The following ATP2B2 variants were observed in gnomAD, a reference collection of about 807,000 sequenced individuals.
The protein encoded by ATP2B2 is ATPase plasma membrane Ca2+ transporting 2.
In ATP2B2, 15 loss-of-function variants were observed where a neutral mutation model predicts 120.0. That is an observed-to-expected ratio of 0.12 (90% CI 0.08 to 0.19). The LOEUF (loss-of-function observed/expected upper bound fraction) is 0.19, where lower values mean the gene tolerates loss of function less well. ATP2B2 is among the 10% of genes least tolerant of loss of function. ATP2B2 has a pLI of 1.00. For missense variants in ATP2B2, 1,045 were observed against 1,719.8 expected (o/e 0.61, Z 6.94); for synonymous variants, 694 against 700.3 (o/e 0.99, Z 0.14).
chr3:10,680,076 T>C (rs576235929), intron 1 of ATP2B2, among the ~76,000 whole-genome samples: 6 of 152,300 alleles, frequency 3.9e-5, no homozygotes, highest in African/African-American at 1.4e-4. Context: ...TAAACATTTG[T>C]TGAATGAATG....
At chr3:10,642,828 C>T (rs2070211276) in intron 1 of ATP2B2, among the ~76,000 whole-genome samples, 1 of 152,100 alleles carries the variant, frequency 6.6e-6, no homozygotes, top group Non-Finnish European at 1.5e-5. Flanking sequence ...TAGCTCTGGC[C>T]CCCCAGCCCT....
chr3:10,493,967 G>T (rs2066036402), intron 1 of ATP2B2, among the ~76,000 whole-genome samples: 1 of 152,190 alleles, frequency 6.6e-6, no homozygotes, highest in Admixed American at 6.5e-5. Flanking sequence ...TAACTGACCT[G>T]ACAAAGGAAA....
intron 2 of ATP2B2, among the ~76,000 whole-genome samples, chr3:10,584,122 T>G (rs1403102572): frequency 1.3e-5 from 2 of 151,748 alleles, no homozygotes; most frequent in Admixed American, 1.3e-4. Context: ...GCTTTCCGCT[T>G]GGACTTGAGG....
intron 1 of ATP2B2, among the ~76,000 whole-genome samples, chr3:10,450,686 C>A (rs1465983250): frequency 1.3e-5 from 2 of 152,018 alleles, no homozygotes; most frequent in African/African-American, 4.8e-5. Flanking sequence ...GGAGGGGGGT[C>A]CCTATGGACC....
chr3:10,632,032 G>C (rs2069878480), intron 1 of ATP2B2, among the ~76,000 whole-genome samples: 1 of 152,210 alleles, frequency 6.6e-6, no homozygotes, highest in South Asian at 2.1e-4. Context: ...TCTAGGCTTG[G>C]CTTGACTGCT....
intron 2 of ATP2B2, among the ~76,000 whole-genome samples, chr3:10,534,534 A>G (rs552479762): frequency 9.5e-4 from 145 of 152,354 alleles, no homozygotes; most frequent in African/African-American, 3.0e-3. Context: ...TACATAAATT[A>G]TCTTTGCTGG....
intron 2 of ATP2B2, among the ~76,000 whole-genome samples, chr3:10,606,220 A>G (rs1285908121): frequency 1.3e-5 from 2 of 152,198 alleles, no homozygotes; most frequent in African/African-American, 4.8e-5. Context: ...TGTGATCTGC[A>G]TGAGACCCCC....
intron 1 of ATP2B2, among the ~76,000 whole-genome samples, chr3:10,495,550 G>C (rs191803526): frequency 1.3e-5 from 2 of 152,312 alleles, no homozygotes; most frequent in East Asian, 3.9e-4. Flanking sequence ...TTACCCGGGG[G>C]CTGTAGTGAA....
At chr3:10,495,672 G>A (rs149247468) in intron 1 of ATP2B2, among the ~76,000 whole-genome samples, 107 of 152,302 alleles carry the variant, frequency 7.0e-4, no homozygotes, top group Non-Finnish European at 9.4e-4. Flanking sequence ...GCAGAGAAGT[G>A]CCTAGAAACA....
intron 2 of ATP2B2, among the ~76,000 whole-genome samples, chr3:10,568,589 T>C (rs2125540892): frequency 6.6e-6 from 1 of 152,282 alleles, no homozygotes; most frequent in East Asian, 1.9e-4. Context: ...TACCAGCTAT[T>C]TATGGTTTTC....
chr3:10,461,971 C>T (rs1047278737), intron 1 of ATP2B2, among the ~76,000 whole-genome samples: 14 of 152,250 alleles, frequency 9.2e-5, no homozygotes, highest in African/African-American at 3.4e-4. Context: ...CTTCTTCCCA[C>T]TCTCCTGTGC....
At chr3:10,408,871 T>G (rs2062509857) in intron 3 of ATP2B2, among the ~76,000 whole-genome samples, 1 of 152,082 alleles carries the variant, frequency 6.6e-6, no homozygotes, top group Non-Finnish European at 1.5e-5. Flanking sequence ...TTCAGTCCTG[T>G]CCCTCTCTGA....
chr3:10,326,720 C>T lies in ATP2B2; in HGVS notation c.*2094G>A, dbSNP rs991157250. Reference sequence around the variant, plus strand: ...TACATTCAGAGATACTTCTTCACGACATTCAGGTGATGCGCTCTTGAAGGT... The same window carrying T: ...TACATTCAGAGATACTTCTTCACGATATTCAGGTGATGCGCTCTTGAAGGT... On this transcript the variant is annotated 3_prime_UTR_variant, in exon 23 of 23. Coordinates refer to ENST00000360273, the MANE Select transcript of ATP2B2 (RefSeq NM_001001331.4). The T allele has an allele frequency of 7.5e-6, 3 of 398,934 alleles. No homozygotes were observed. Among genetic ancestry groups the T allele is most frequent in the Non-Finnish European group, 1.3e-5 (3 of 226,078 alleles). The allele number at this position is 398,934 out of a possible 1,614,324, so 24.7% of individuals were successfully genotyped here. A position where few individuals can be genotyped will look rare whatever the true frequency, so the allele number is the denominator to read the frequency against.
At chr3:10,632,632 G>A (rs1422814650) in intron 1 of ATP2B2, among the ~76,000 whole-genome samples, 1 of 152,214 alleles carries the variant, frequency 6.6e-6, no homozygotes, top group Admixed American at 6.5e-5. Context: ...TCGAGCTCTG[G>A]CCTTGCCACA....
At chr3:10,469,461 G>A (rs1015365953) in intron 1 of ATP2B2, among the ~76,000 whole-genome samples, 2 of 152,258 alleles carry the variant, frequency 1.3e-5, no homozygotes, top group Non-Finnish European at 2.9e-5. Context: ...GGGAGGCTAG[G>A]TAAATATAAG....
chr3:10,662,943 G>A (rs2070827005), intron 1 of ATP2B2, among the ~76,000 whole-genome samples: 1 of 151,908 alleles, frequency 6.6e-6, no homozygotes, highest in Admixed American at 6.6e-5. Flanking sequence ...TCCTTTGTAG[G>A]GACATGGATG....
At chr3:10,447,513 T>C (rs2063879831) in intron 2 of ATP2B2, among the ~76,000 whole-genome samples, 1 of 152,234 alleles carries the variant, frequency 6.6e-6, no homozygotes, top group South Asian at 2.1e-4. Flanking sequence ...GCTGATTTTC[T>C]GAGAGAGGGG....
chr3:10,606,910 CACAG>C (rs1372746662), intron 2 of ATP2B2, among the ~76,000 whole-genome samples: 758 of 45,936 alleles, frequency 0.017, 3 homozygotes, highest in African/African-American at 0.061. Context: ...CACACACACA[CACAG>C]AGAGAGAGAG....
intron 2 of ATP2B2, among the ~76,000 whole-genome samples, chr3:10,543,270 T>G (rs756389095): frequency 6.5e-4 from 99 of 152,228 alleles, no homozygotes; most frequent in Admixed American, 1.2e-3. Context: ...AGCCACCCAG[T>G]CTGTGGTATT....
Sources: gnomAD v4.1 joint callset for allele counts (sites outside exome capture counted in the v4.1 genomes callset) on GRCh38, gnomAD v4.1.1 for gene constraint, MANE v1.5 for transcripts, NCBI Gene and HGNC (gene_info 2026-07-23, HGNC 2026-07-21) for gene names.